B3GALT5: variants seen among roughly 807,000 people sequenced by gnomAD.
B3GALT5 encodes UDP-Gal:betaGlcNAc beta 1,3-galactosyltransferase, polypeptide 5.
For missense variants in B3GALT5, 328 were observed against 396.6 expected (o/e 0.83, Z 1.47); for synonymous variants, 156 against 158.6 (o/e 0.98, Z 0.12).
intron 2 of B3GALT5, among the ~76,000 whole-genome samples, chr21:39,648,774 T>C (rs2079365538): frequency 6.8e-6 from 1 of 147,966 alleles, no homozygotes; most frequent in Non-Finnish European, 1.5e-5. Flanking sequence ...GAGGAGGACA[T>C]TGGGAGCTGA....
intron 1 of B3GALT5, among the ~76,000 whole-genome samples, chr21:39,630,814 G>A (rs1328143806): frequency 6.6e-6 from 1 of 152,136 alleles, no homozygotes; most frequent in East Asian, 1.9e-4. Context: ...GCTCAGTGGC[G>A]ATGTTTCCCC....
chr21:39,644,276 A>G (rs1465990890), intron 1 of B3GALT5, among the ~76,000 whole-genome samples: 1 of 152,154 alleles, frequency 6.6e-6, no homozygotes, highest in Non-Finnish European at 1.5e-5. Flanking sequence ...ACCTGTGAAG[A>G]TAAGGTATTT....
chr21:39,651,601 G>T (rs948112885), intron 2 of B3GALT5, among the ~76,000 whole-genome samples: 4 of 152,212 alleles, frequency 2.6e-5, no homozygotes, highest in Non-Finnish European at 5.9e-5. Context: ...ACATTCTGAG[G>T]TATTGGTGGT....
intron 1 of B3GALT5, among the ~76,000 whole-genome samples, chr21:39,625,126 A>G (rs1056746218): frequency 3.3e-5 from 5 of 152,180 alleles, no homozygotes; most frequent in African/African-American, 1.2e-4. Flanking sequence ...TGCCACTTAC[A>G]CATGTCTAAA....
intron 1 of B3GALT5, among the ~76,000 whole-genome samples, chr21:39,642,495 T>TTAC (rs980101703): frequency 3.3e-4 from 50 of 152,032 alleles, no homozygotes; most frequent in African/African-American, 1.2e-3. Flanking sequence ...ACTTAAGGAG[T>TTAC]TACACACATT....
chr21:39,657,307 G>C (rs1036510070), intron 2 of B3GALT5: 1 of 152,260 alleles, frequency 6.6e-6, no homozygotes, highest in African/African-American at 2.4e-5. Flanking sequence ...CTCCATGTGG[G>C]CAGGCACCAT....
intron 1 of B3GALT5, among the ~76,000 whole-genome samples, chr21:39,639,374 C>T (rs71316688): frequency 2.3e-5 from 3 of 133,230 alleles, no homozygotes; most frequent in Non-Finnish European, 4.8e-5. Flanking sequence ...TTCCTTCCTT[C>T]CTTCCTTCCT....
At position 39,645,150 on chromosome 21, in the gene B3GALT5, A is replaced by G. The variant is rs181109796; in HGVS notation, c.-391-1242A>G. Among the ~76,000 whole-genome samples the G allele has an allele frequency of 3.3e-5, 5 of 152,118 alleles. No individual in the cohort carries two copies. In the East Asian group the frequency reaches 9.7e-4, roughly 30 times the overall value. ...TACTCACCCTGCTGCTGACATCCCTATTGTGTCCAAAATCACACTTTCCTG... is the reference window on the plus strand; with the variant it reads ...TACTCACCCTGCTGCTGACATCCCTGTTGTGTCCAAAATCACACTTTCCTG... On this transcript the variant is annotated intron_variant, in intron 1 of 3. Coordinates refer to ENST00000684187, the MANE Select transcript of B3GALT5 (RefSeq NM_001356336.2).
chr21:39,632,306 C>T (rs1372967284), intron 1 of B3GALT5, among the ~76,000 whole-genome samples: 1 of 152,158 alleles, frequency 6.6e-6, no homozygotes, highest in Non-Finnish European at 1.5e-5. Flanking sequence ...CCTGTGTTAA[C>T]TATTTTCTGG....
At position 39,657,922 on chromosome 21, in the gene B3GALT5, T is replaced by A. The variant is rs2146215111; in HGVS notation, c.-160-1831T>A. ...GGGCTTCTGTAGCACAGATAGTGCCTGTTCATGGCTCTGTCCCAGGTAAGG... is the reference window on the plus strand; with the variant it reads ...GGGCTTCTGTAGCACAGATAGTGCCAGTTCATGGCTCTGTCCCAGGTAAGG... On this transcript the variant is annotated intron_variant, in intron 2 of 3. Transcript: ENST00000684187. 3.2e-6 allele frequency: 4 copies of A among 1,231,158 alleles called. No individual in the cohort carries two copies. The South Asian group carries it at 1.2e-4, about 38-fold the overall frequency. 76.3% of individuals were successfully genotyped at this position (1,231,158 alleles called of 1,614,324 possible).
At chr21:39,627,637 C>A (rs1482653205) in intron 1 of B3GALT5, among the ~76,000 whole-genome samples, 1 of 152,028 alleles carries the variant, frequency 6.6e-6, no homozygotes, top group Middle Eastern at 3.2e-3. Context: ...CCCATTCTTT[C>A]CATTTCAATA....
At chr21:39,652,729 G>T (rs143761354) in intron 2 of B3GALT5, among the ~76,000 whole-genome samples, 1 of 152,178 alleles carries the variant, frequency 6.6e-6, no homozygotes, top group Non-Finnish European at 1.5e-5. Context: ...CAAGGATCCT[G>T]CCTTCAATAT....
Position 39,670,847 on chromosome 21 carries a change from C to T in B3GALT5, c.*9355C>T, listed in dbSNP as rs2079621769. The T allele has an allele frequency of 1.3e-5, 2 of 152,170 alleles. No homozygotes were observed. Among genetic ancestry groups the T allele is most frequent in the Non-Finnish European group, 1.5e-5 (1 of 68,038 alleles). The allele number at this position is 152,170 out of a possible 1,614,324, so 9.4% of individuals were successfully genotyped here. ...TTTAATCTAACAGCTGCCATGCACC[C>T]TCATTTTAAAAACAGATGAGGCAAT... is the stretch of plus-strand genomic sequence containing the variant. On this transcript the variant is annotated 3_prime_UTR_variant, in exon 4 of 4. Transcript: ENST00000684187.
At chr21:39,636,600 C>T (rs946258445) in intron 1 of B3GALT5, among the ~76,000 whole-genome samples, 3 of 152,096 alleles carry the variant, frequency 2.0e-5, no homozygotes, top group African/African-American at 7.2e-5. Flanking sequence ...ACTGGCACAT[C>T]TTCTTGAGGG....
intron 2 of B3GALT5, among the ~76,000 whole-genome samples, chr21:39,652,467 G>A (rs1037441944): frequency 5.3e-5 from 8 of 152,212 alleles, no homozygotes; most frequent in Admixed American, 5.2e-4. Flanking sequence ...AAGGGCACAG[G>A]TGTAGAACAC....
chr21:39,644,756 G>A (rs2079320970), intron 1 of B3GALT5, among the ~76,000 whole-genome samples: 1 of 152,174 alleles, frequency 6.6e-6, no homozygotes, highest in Admixed American at 6.5e-5. Flanking sequence ...TTCAGATTGG[G>A]CATTGTGACC....
rs369948980 is a variant in B3GALT5, at chr21:39,630,721, A to T, written c.-391-15671A>T. Reference sequence around the variant, plus strand: ...TCCATGCATTCACTGAAAAGCTGGGATTGCTGAGAGTGGTGACCAGAAGAG... The same window carrying T: ...TCCATGCATTCACTGAAAAGCTGGGTTTGCTGAGAGTGGTGACCAGAAGAG... On this transcript the variant is annotated intron_variant, in intron 1 of 3. Transcript: ENST00000684187. 2.3e-4 allele frequency among the ~76,000 whole-genome samples: 35 copies of T among 152,238 alleles called. No homozygotes were observed. In the South Asian group the frequency reaches 7.3e-3, roughly 32 times the overall value.
At chr21:39,644,513 T>C (rs1216058801) in intron 1 of B3GALT5, among the ~76,000 whole-genome samples, 1 of 152,176 alleles carries the variant, frequency 6.6e-6, no homozygotes, top group Non-Finnish European at 1.5e-5. Flanking sequence ...TATTTTCCTC[T>C]CACAGTTCCA....
rs1156634269 is a variant in B3GALT5, at chr21:39,671,964, GACAA to G, written c.*10478_*10481del. On this transcript the variant is annotated 3_prime_UTR_variant, in exon 4 of 4. Coordinates refer to ENST00000684187, the MANE Select transcript of B3GALT5 (RefSeq NM_001356336.2). ...CCTGGCACCTGCCAATCGGAAGACT[GACAA>G]ACAAAAAATTAGTTTTTAATTAATT... The G allele has an allele frequency of 2.0e-5, 3 of 152,134 alleles. No individual in the cohort carries two copies. Among genetic ancestry groups the G allele is most frequent in the Non-Finnish European group, 2.9e-5 (2 of 68,026 alleles). The allele number at this position is 152,134 out of a possible 1,614,324, so 9.4% of individuals were successfully genotyped here.
Sources: allele counts gnomAD v4.1 joint callset (sites outside exome capture counted in the v4.1 genomes callset), GRCh38; gene constraint gnomAD v4.1.1; transcripts MANE v1.5; gene names NCBI Gene and HGNC (gene_info 2026-07-23, HGNC 2026-07-21).